Variants in TRMT9B observed in about 807,000 individuals in gnomAD.
The protein encoded by TRMT9B is probable tRNA methyltransferase 9B.
A neutral mutation model predicts 11.5 loss-of-function variants in TRMT9B; 16 were observed. The ratio of observed to expected loss-of-function variants is 1.39; its 90% CI spans 0.94 to 2.11. The LOEUF (loss-of-function observed/expected upper bound fraction) is 2.11. TRMT9B is among the 30% of genes most tolerant of loss of function. The probability of loss-of-function intolerance (pLI) is 0.00; values close to 1 mark genes in which losing one functional copy is unlikely to be tolerated. For missense variants in TRMT9B, 941 were observed against 553.8 expected, an observed-to-expected ratio of 1.70 and a Z score of -7.02; for synonymous variants, 274 against 192.4, an observed-to-expected ratio of 1.42 and a Z score of -3.51.
chr8:13,006,157 G>A (rs779278152), intron 2 of TRMT9B, 45 bp from the exon 3 acceptor site: 2 of 1,591,610 alleles, frequency 1.3e-6, no homozygotes, highest in East Asian at 2.2e-5. Flanking sequence ...CATCTATGGT[G>A]CATAGGCTGA....
intron 2 of TRMT9B, among the ~76,000 whole-genome samples, chr8:12,997,761 T>C (rs7017314): frequency 0.068 from 10,302 of 152,258 alleles, 483 homozygotes; most frequent in African/African-American, 0.13. Flanking sequence ...ATGTATATAC[T>C]TTTAAGAGTG....
chr8:13,011,128 A>G, intron 3 of TRMT9B: 1 of 310,944 alleles, frequency 3.2e-6, no homozygotes, highest in Non-Finnish European at 4.7e-6. Context: ...CTGGGATTAC[A>G]GGTACCTGCC....
intron 1 of TRMT9B, among the ~76,000 whole-genome samples, chr8:12,985,724 A>C (rs1358828993): frequency 6.6e-6 from 1 of 152,082 alleles, no homozygotes; most frequent in Non-Finnish European, 1.5e-5. Flanking sequence ...CTCTCCTCTA[A>C]TGCTGACATC....
chr8:12,985,463 C>G (rs757930222), intron 1 of TRMT9B, among the ~76,000 whole-genome samples: 3 of 152,120 alleles, frequency 2.0e-5, no homozygotes, highest in Non-Finnish European at 4.4e-5. Context: ...AAGTGTCACC[C>G]CAATCTAGAA....
chr8:12,959,767 G>A (rs540431777), intron 1 of TRMT9B, among the ~76,000 whole-genome samples: 1 of 152,100 alleles, frequency 6.6e-6, no homozygotes, highest in South Asian at 2.1e-4. Flanking sequence ...AGGCTCAAGC[G>A]ATCCTCCCAC....
chr8:12,958,072 A>G (rs565506532), intron 1 of TRMT9B, among the ~76,000 whole-genome samples: 99 of 152,256 alleles, frequency 6.5e-4, no homozygotes, highest in Admixed American at 6.4e-3. Context: ...GTGATTTATA[A>G]AGAAAAAGAG....
intron 2 of TRMT9B, among the ~76,000 whole-genome samples, chr8:13,000,731 G>A (rs1268874299): frequency 6.6e-6 from 1 of 152,212 alleles, no homozygotes; most frequent in Admixed American, 6.5e-5. Context: ...ACAACACTAT[G>A]TGTCAGCATC....
intron 1 of TRMT9B, among the ~76,000 whole-genome samples, chr8:12,955,692 C>G (rs535372298): frequency 6.6e-6 from 1 of 152,332 alleles, no homozygotes; most frequent in South Asian, 2.1e-4. Flanking sequence ...TCTTTCTTCT[C>G]TGTTAGGTTG....
At chr8:12,952,157 A>G (rs1329625451) in intron 1 of TRMT9B, 1 of 454,530 alleles carries the variant, frequency 2.2e-6, no homozygotes, top group Admixed American at 2.4e-5. Flanking sequence ...GACTACTCGC[A>G]ACGGGAGAGC....
At chr8:12,950,537 TTTTCTTTCTTTC>T (rs59371113) in intron 1 of TRMT9B, among the ~76,000 whole-genome samples, 2 of 149,358 alleles carry the variant, frequency 1.3e-5, no homozygotes, top group Non-Finnish European at 3.0e-5. Context: ...ACTCGTGGTT[TTTTCTTTCTTTC>T]TTTCTTTCTT....
At chr8:12,969,361 ATAAG>A (rs1320742459) in intron 1 of TRMT9B, among the ~76,000 whole-genome samples, 2 of 152,118 alleles carry the variant, frequency 1.3e-5, no homozygotes, top group African/African-American at 4.8e-5. Flanking sequence ...TTGTGTATAT[ATAAG>A]TAAGTAAACA....
At chr8:12,947,593 A>G (rs200440465) in intron 1 of TRMT9B, among the ~76,000 whole-genome samples, 1 of 152,268 alleles carries the variant, frequency 6.6e-6, no homozygotes, top group Non-Finnish European at 1.5e-5. Flanking sequence ...TTATGGCAAC[A>G]CATGCATATT....
intron 3 of TRMT9B, chr8:13,006,631 A>T (rs1810528760): frequency 2.9e-6 from 4 of 1,359,490 alleles, no homozygotes; most frequent in Non-Finnish European, 3.8e-6. Context: ...CGAGACAGTC[A>T]AGTCAGCAGC....
chr8:12,959,758 G>A (rs1801835344), intron 1 of TRMT9B, among the ~76,000 whole-genome samples: 2 of 151,964 alleles, frequency 1.3e-5, no homozygotes, highest in Admixed American at 6.6e-5. Context: ...TGAACTCCTA[G>A]GCTCAAGCGA....
chr8:12,970,498 C>G (rs939203632), intron 1 of TRMT9B, among the ~76,000 whole-genome samples: 2 of 152,180 alleles, frequency 1.3e-5, no homozygotes, highest in African/African-American at 4.8e-5. Flanking sequence ...AACGTGGACT[C>G]CGTTGTTCAG....
intron 4 of TRMT9B, among the ~76,000 whole-genome samples, chr8:13,013,319 A>G (rs1812004194): frequency 6.6e-6 from 1 of 152,156 alleles, no homozygotes; most frequent in Non-Finnish European, 1.5e-5. Flanking sequence ...CTGGTACTCA[A>G]GTTCATGGAG....
chr8:13,017,480 T>G (rs1300380841), intron 4 of TRMT9B, among the ~76,000 whole-genome samples: 1 of 152,192 alleles, frequency 6.6e-6, no homozygotes, highest in Non-Finnish European at 1.5e-5. Flanking sequence ...TCAACATAGT[T>G]TCCAGACATT....
At chr8:12,961,034 G>T (rs549254573) in intron 1 of TRMT9B, among the ~76,000 whole-genome samples, 1 of 152,030 alleles carries the variant, frequency 6.6e-6, no homozygotes, top group Non-Finnish European at 1.5e-5. Context: ...CCAGCTACTC[G>T]GGAGGCTGAG....
rs144067497 is a variant in TRMT9B at position 13,002,988 on chromosome 8, C to G, written c.-1-3214C>G. ...CTCTGCTAACCAAAGCCAATACTACCCTCTGTACTCAGAGCCAGATTCCAT... is the reference window on the plus strand; with the variant it reads ...CTCTGCTAACCAAAGCCAATACTACGCTCTGTACTCAGAGCCAGATTCCAT... On this transcript the variant is annotated intron_variant, in intron 2 of 4. Coordinates refer to ENST00000524591, the MANE Select transcript of TRMT9B (RefSeq NM_020844.3). Among the ~76,000 whole-genome samples the G allele has an allele frequency of 5.0e-3, 757 of 152,208 alleles. 10 individuals are homozygous for G. The highest frequency in any genetic ancestry group is 0.016 in the African/African-American group (667 of 41,528).
Sources: allele counts gnomAD v4.1 joint callset (sites outside exome capture counted in the v4.1 genomes callset), GRCh38; gene constraint gnomAD v4.1.1; transcripts MANE v1.5; gene names NCBI Gene and HGNC (gene_info 2026-07-23, HGNC 2026-07-21).